The following TICAM2 variants were observed in gnomAD, a reference collection of about 807,000 sequenced individuals.
The protein encoded by TICAM2 is TIR domain-containing adapter molecule 2.
In TICAM2, 8 loss-of-function variants were observed where a neutral mutation model predicts 7.3. The observed-to-expected ratio is 1.10, with a 90% CI of 0.65 to 1.99. The LOEUF (loss-of-function observed/expected upper bound fraction) is 1.99. Among genes scored for constraint, TICAM2 ranks in the 30% most tolerant of loss-of-function variants. The pLI is 0.00. For synonymous variants in TICAM2, 113 were observed against 99.6 expected (o/e 1.13, Z -0.80); for missense variants, 304 against 278.8 (o/e 1.09, Z -0.65).
chr5:115,597,856 G>C (rs1353341158), intron 1 of TICAM2, among the ~76,000 whole-genome samples: 1 of 152,132 alleles, frequency 6.6e-6, no homozygotes, highest in African/African-American at 2.4e-5. Context: ...TGTTTTGTTG[G>C]AGAAAATCCA....
intron 1 of TICAM2, among the ~76,000 whole-genome samples, chr5:115,595,688 C>T (rs1755484179): frequency 6.6e-6 from 1 of 152,152 alleles, no homozygotes; most frequent in African/African-American, 2.4e-5. Flanking sequence ...ATGATCCAAT[C>T]TCTCCTTTTA....
At chr5:115,595,216 A>ATCAC (rs1755463987) in intron 1 of TICAM2, among the ~76,000 whole-genome samples, 1 of 152,194 alleles carries the variant, frequency 6.6e-6, no homozygotes, top group Non-Finnish European at 1.5e-5. Context: ...CAATCAATCA[A>ATCAC]TCAATCAGTC....
intron 1 of TICAM2, among the ~76,000 whole-genome samples, chr5:115,597,775 C>G (rs1211142747): frequency 6.6e-6 from 1 of 152,130 alleles, no homozygotes; most frequent in Non-Finnish European, 1.5e-5. Flanking sequence ...GCCTGCAGAG[C>G]CTGCGTATAC....
intron 1 of TICAM2, chr5:115,581,740 C>T (rs10036006): frequency 0.16 from 25,973 of 163,412 alleles, 2,562 homozygotes; most frequent in Middle Eastern, 0.22. Flanking sequence ...TTCAATTAAG[C>T]ATAAATATAT....
At chr5:115,593,124 G>A (rs896660628) in intron 1 of TICAM2, among the ~76,000 whole-genome samples, 1 of 152,164 alleles carries the variant, frequency 6.6e-6, no homozygotes, top group Non-Finnish European at 1.5e-5. Context: ...GCCTGGGCGA[G>A]AGAATGAGAT....
intron 1 of TICAM2, among the ~76,000 whole-genome samples, chr5:115,601,007 T>A (rs1755711827): frequency 1.3e-5 from 2 of 152,190 alleles, no homozygotes; most frequent in African/African-American, 2.4e-5. Context: ...ATACTTCAAG[T>A]TCCATACGGT....
chr5:115,596,169 T>C (rs1162299806), intron 1 of TICAM2, among the ~76,000 whole-genome samples: 1 of 152,184 alleles, frequency 6.6e-6, no homozygotes, highest in Non-Finnish European at 1.5e-5. Context: ...TAATCTCAAA[T>C]TGTTTCAAGT....
intron 1 of TICAM2, among the ~76,000 whole-genome samples, chr5:115,584,033 A>T (rs569286411): frequency 4.0e-4 from 61 of 152,220 alleles, no homozygotes; most frequent in South Asian, 1.9e-3. Context: ...TACTTTTTTT[A>T]AAAAAAGGTG....
At chr5:115,589,535 C>A (rs1755228927) in intron 1 of TICAM2, among the ~76,000 whole-genome samples, 1 of 152,152 alleles carries the variant, frequency 6.6e-6, no homozygotes, top group Non-Finnish European at 1.5e-5. Context: ...ATGGCAAAGG[C>A]CCAGCCTAAA....
intron 1 of TICAM2, among the ~76,000 whole-genome samples, chr5:115,593,500 A>G: frequency 6.6e-6 from 1 of 152,364 alleles, no homozygotes; most frequent in Admixed American, 6.5e-5. Flanking sequence ...CAGAAATATT[A>G]GTGAGATAAA....
rs1477830622 is a variant in TICAM2 at position 115,582,155 on chromosome 5, T to C, written c.-59-840A>G. Among the ~76,000 whole-genome samples the C allele has an allele frequency of 2.6e-5, 4 of 151,792 alleles. No individual in the cohort carries two copies. The East Asian group carries it at 7.7e-4, about 29-fold the overall frequency. On this transcript the variant is annotated intron_variant, in intron 1 of 1. Transcript: ENST00000427199. ...TTTTGTTGTTATTTATTTATTCATT[T>C]ATTTATTTATTTATTTTTTGAGACA...
chr5:115,594,381 C>T (rs1755427632), intron 1 of TICAM2, among the ~76,000 whole-genome samples: 1 of 152,144 alleles, frequency 6.6e-6, no homozygotes, highest in Non-Finnish European at 1.5e-5. Context: ...CATGAGAGCA[C>T]TGTTTGTCTT....
intron 1 of TICAM2, among the ~76,000 whole-genome samples, chr5:115,586,641 T>C (rs1162484867): frequency 1.3e-5 from 2 of 152,194 alleles, no homozygotes; most frequent in African/African-American, 4.8e-5. Context: ...AATTTTAACA[T>C]ATTTAAAGAA....
intron 1 of TICAM2, among the ~76,000 whole-genome samples, chr5:115,599,689 G>A (rs1755645411): frequency 6.6e-6 from 1 of 152,148 alleles, no homozygotes; most frequent in African/African-American, 2.4e-5. Flanking sequence ...AGTACAGTGT[G>A]CAATGGTCTA....
Position 115,580,679 on chromosome 5 carries a change from T to A in TICAM2, c.578A>T (p.Asn193Ile). The change falls in exon 2 of 2, where the codon AAT (asparagine) becomes ATT (isoleucine). Residue 193 changes from asparagine (N) to isoleucine (I), a missense_variant. Transcript: ENST00000427199. ...TCCACGACTTTCTTCCTCTAAGGCATTGATGGTTTGGAGGGCAAAGGGAGT... is the reference window on the plus strand; with the variant it reads ...TCCACGACTTTCTTCCTCTAAGGCAATGATGGTTTGGAGGGCAAAGGGAGT... ...ERTPFALQTI[N>I]ALEEESRGFP... The A allele has an allele frequency of 6.3e-7, 1 of 1,591,534 alleles. No homozygotes were observed. The highest frequency in any genetic ancestry group is 8.5e-7 in the Non-Finnish European group (1 of 1,171,852).
chr5:115,597,123 TTGTC>T (rs1755540307), intron 1 of TICAM2, among the ~76,000 whole-genome samples: 1 of 152,244 alleles, frequency 6.6e-6, no homozygotes, highest in African/African-American at 2.4e-5. Context: ...TTGAAAATCT[TTGTC>T]TGCCTTTACT....
chr5:115,595,322 T>G (rs1270883239), intron 1 of TICAM2, among the ~76,000 whole-genome samples: 1 of 152,164 alleles, frequency 6.6e-6, no homozygotes, highest in African/African-American at 2.4e-5. Flanking sequence ...ATTCTCATAT[T>G]CTTTCACCCA....
At chr5:115,597,513 T>C (rs1755555060) in intron 1 of TICAM2, among the ~76,000 whole-genome samples, 1 of 152,182 alleles carries the variant, frequency 6.6e-6, no homozygotes, top group Admixed American at 6.5e-5. Context: ...TTATGAATGT[T>C]ATGAACAATT....
intron 1 of TICAM2, among the ~76,000 whole-genome samples, chr5:115,590,234 C>A (rs1268039425): frequency 1.3e-5 from 2 of 152,006 alleles, no homozygotes; most frequent in African/African-American, 4.8e-5. Flanking sequence ...CACTTGAGCG[C>A]AGGAGTTTGG....
Sources: allele counts gnomAD v4.1 joint callset (sites outside exome capture counted in the v4.1 genomes callset), GRCh38; gene constraint gnomAD v4.1.1; transcripts MANE v1.5; gene names NCBI Gene and HGNC (gene_info 2026-07-23, HGNC 2026-07-21).